The following NFKB1 variants were observed in gnomAD, a reference collection of about 807,000 sequenced individuals.
The protein encoded by NFKB1 is nuclear factor kappa B subunit 1.
NFKB1 carries 9 observed loss-of-function variants against 105.1 expected under a neutral mutation model. The observed-to-expected ratio is 0.09, with a 90% CI of 0.05 to 0.15. The LOEUF (loss-of-function observed/expected upper bound fraction) is 0.15, where lower values mean the gene tolerates loss of function less well. Ranked by LOEUF, NFKB1 falls within the 10% of genes least tolerant of loss-of-function variation. The pLI, the probability that NFKB1 is intolerant of heterozygous loss-of-function variation, is 1.00. For synonymous variants in NFKB1, 440 were observed against 442.2 expected (o/e 1.00, Z 0.06); for missense variants, 830 against 1,203.7 (o/e 0.69, Z 4.59).
intron 5 of NFKB1, among the ~76,000 whole-genome samples, chr4:102,564,892 G>A (rs531014918): frequency 8.5e-5 from 13 of 152,228 alleles, no homozygotes; most frequent in African/African-American, 2.6e-4. Context: ...GGTTTATTTC[G>A]TGTTCTTTCA....
chr4:102,594,932 G>A lies in NFKB1; in HGVS notation c.1251G>A (p.Gly417=), dbSNP rs956236430. The change falls in exon 13 of 24, where the codon GGG becomes GGA. Residue 417 remains glycine, a synonymous_variant. Transcript: ENST00000226574. ...ACTATGGATTTCCTACTTATGGTGG[G>A]ATTACTTTCCATCCTGGAACTACTA... The part of the protein sequence containing the change: ...FPHYGFPTYG[G]ITFHPGTTKS... 6.2e-7 allele frequency: 1 copy of A among 1,611,862 alleles called. No homozygotes were observed. The highest frequency in any genetic ancestry group is 1.3e-5 in the African/African-American group (1 of 75,004).
At chr4:102,583,737 C>G (rs906551465) in intron 10 of NFKB1, among the ~76,000 whole-genome samples, 17 of 151,240 alleles carry the variant, frequency 1.1e-4, no homozygotes, top group Admixed American at 2.0e-4. Flanking sequence ...TGCTGAGCCC[C>G]CACCTTAATT....
At chr4:102,542,706 A>C (rs1457481815) in intron 5 of NFKB1, among the ~76,000 whole-genome samples, 1 of 152,240 alleles carries the variant, frequency 6.6e-6, no homozygotes, top group Admixed American at 6.5e-5. Context: ...TACTAACTTC[A>C]ACCCAAATTT....
At chr4:102,506,837 A>G (rs975880773) in intron 1 of NFKB1, among the ~76,000 whole-genome samples, 5 of 151,924 alleles carry the variant, frequency 3.3e-5, no homozygotes, top group African/African-American at 1.2e-4. Flanking sequence ...ACTCACAACA[A>G]ACATTCAAGT....
intron 5 of NFKB1, among the ~76,000 whole-genome samples, chr4:102,556,649 C>T (rs991455016): frequency 1.6e-4 from 25 of 152,154 alleles, no homozygotes; most frequent in Admixed American, 5.2e-4. Context: ...GGATTACTTA[C>T]ATTTGCAAAG....
At chr4:102,596,073 G>T in intron 13 of NFKB1, 65 bp from the exon 14 acceptor site, 1 of 1,120,266 alleles carries the variant, frequency 8.9e-7, no homozygotes, top group Non-Finnish European at 1.3e-6. Context: ...ACCTACATTG[G>T]AATAGCGAAT....
At chr4:102,512,052 G>T (rs1389905862) in intron 1 of NFKB1, among the ~76,000 whole-genome samples, 2 of 152,222 alleles carry the variant, frequency 1.3e-5, no homozygotes, top group Non-Finnish European at 2.9e-5. Context: ...GAACTCTGCT[G>T]TGTCAGTTGG....
intron 4 of NFKB1, among the ~76,000 whole-genome samples, chr4:102,535,357 A>G (rs1741565074): frequency 6.6e-6 from 1 of 152,210 alleles, no homozygotes; most frequent in Admixed American, 6.5e-5. Context: ...CAACAGTTAT[A>G]AGGAAAAATT....
intron 14 of NFKB1, among the ~76,000 whole-genome samples, chr4:102,596,766 G>A (rs1482036442): frequency 6.6e-6 from 1 of 151,942 alleles, no homozygotes. Context: ...AGTAGGATTA[G>A]GAGAAAATGT....
chr4:102,582,792 TTTTA>T lies in NFKB1; in HGVS notation c.836-70_836-67del. ...GATAGTAGGTAGAATATTAAACCAG[TTTTA>T]TTTTTCAGCATGTTTATAAATACTA... On this transcript the variant is annotated intron_variant, in intron 9 of 23. Coordinates refer to ENST00000226574, the MANE Select transcript of NFKB1 (RefSeq NM_003998.4). 4 of 974,136 alleles carry T rather than the reference TTTTA, an allele frequency of 4.1e-6. No homozygotes were observed. In the South Asian group the frequency reaches 6.6e-5, roughly 16 times the overall value. 60.3% of individuals were successfully genotyped at this position (974,136 alleles called of 1,614,324 possible).
intron 1 of NFKB1, among the ~76,000 whole-genome samples, chr4:102,516,844 C>T (rs1347225370): frequency 6.6e-6 from 1 of 152,040 alleles, no homozygotes; most frequent in Non-Finnish European, 1.5e-5. Flanking sequence ...GGTGGATCAC[C>T]TAGTTTTATT....
intron 7 of NFKB1, 68 bp from the exon 8 acceptor site, chr4:102,578,813 A>G: frequency 6.6e-7 from 1 of 1,515,514 alleles, no homozygotes; most frequent in Non-Finnish European, 9.0e-7. Context: ...TTTGGGCTTT[A>G]TAAAAGCATG....
At chr4:102,600,634 G>T (rs550194516) in intron 15 of NFKB1, among the ~76,000 whole-genome samples, 1 of 152,246 alleles carries the variant, frequency 6.6e-6, no homozygotes, top group East Asian at 1.9e-4. Flanking sequence ...TACATCAAGG[G>T]GTCAAGACCT....
intron 1 of NFKB1, among the ~76,000 whole-genome samples, chr4:102,518,357 A>G (rs1390912586): frequency 6.6e-6 from 1 of 152,164 alleles, no homozygotes; most frequent in Non-Finnish European, 1.5e-5. Context: ...TTTGGCTACT[A>G]TACTTGCCTC....
chr4:102,509,981 C>G (rs1435030674), intron 1 of NFKB1, among the ~76,000 whole-genome samples: 1 of 152,126 alleles, frequency 6.6e-6, no homozygotes, highest in Non-Finnish European at 1.5e-5. Flanking sequence ...CTCCGGTGTT[C>G]CCCAACCATC....
intron 5 of NFKB1, among the ~76,000 whole-genome samples, chr4:102,563,096 C>T (rs1461453039): frequency 6.6e-6 from 1 of 152,146 alleles, no homozygotes; most frequent in Non-Finnish European, 1.5e-5. Context: ...CCAGCATGTA[C>T]TTTACCCCAA....
chr4:102,507,227 G>A (rs1739480195), intron 1 of NFKB1, among the ~76,000 whole-genome samples: 1 of 151,978 alleles, frequency 6.6e-6, no homozygotes. Context: ...CACTCTGCCT[G>A]TGACTTCCCC....
intron 11 of NFKB1, among the ~76,000 whole-genome samples, chr4:102,587,521 T>TG (rs1223143707): frequency 6.6e-6 from 1 of 151,834 alleles, no homozygotes; most frequent in Non-Finnish European, 1.5e-5. Context: ...TATGTTATAG[T>TG]GGGGGTATAT....
chr4:102,600,626 C>T (rs1727064727), intron 15 of NFKB1, among the ~76,000 whole-genome samples: 1 of 152,172 alleles, frequency 6.6e-6, no homozygotes, highest in Non-Finnish European at 1.5e-5. Context: ...TGTGTTTATA[C>T]ATCAAGGGGT....
Sources: gnomAD v4.1 joint callset for allele counts (sites outside exome capture counted in the v4.1 genomes callset) on GRCh38, gnomAD v4.1.1 for gene constraint, MANE v1.5 for transcripts, NCBI Gene and HGNC (gene_info 2026-07-23, HGNC 2026-07-21) for gene names.